TRPC7: variants seen among roughly 807,000 people sequenced by gnomAD.
The protein encoded by TRPC7 is short transient receptor potential channel 7.
Under a neutral mutation model 90.1 loss-of-function variants are expected in TRPC7, and 42 were observed. The ratio of observed to expected loss-of-function variants is 0.47; its 90% CI spans 0.36 to 0.60. TRPC7 has a LOEUF of 0.60. Among genes scored for constraint, TRPC7 ranks in the 20% least tolerant of loss-of-function variants. TRPC7 has a pLI of 0.00. For synonymous variants in TRPC7, 451 were observed against 436.3 expected (o/e 1.03, Z -0.42); for missense variants, 955 against 1,112.3 (o/e 0.86, Z 2.01).
chr5:136,285,659 C>T (rs1227448304), intron 3 of TRPC7, among the ~76,000 whole-genome samples: 1 of 152,156 alleles, frequency 6.6e-6, no homozygotes, highest in African/African-American at 2.4e-5. Context: ...CTCTAAGGAT[C>T]TAGAAGGGAA....
At chr5:136,220,133 T>G (rs1755405586) in intron 10 of TRPC7, among the ~76,000 whole-genome samples, 1 of 152,258 alleles carries the variant, frequency 6.6e-6, no homozygotes. Context: ...CTGTGATGAT[T>G]GCTTTAAGTG....
chr5:136,331,909 C>A (rs1759512412), intron 2 of TRPC7, among the ~76,000 whole-genome samples: 1 of 152,136 alleles, frequency 6.6e-6, no homozygotes, highest in Non-Finnish European at 1.5e-5. Flanking sequence ...AATGGACAGT[C>A]CCTACTCTCA....
chr5:136,331,076 T>TG (rs972843283), intron 2 of TRPC7, among the ~76,000 whole-genome samples: 7 of 152,232 alleles, frequency 4.6e-5, no homozygotes, highest in African/African-American at 7.2e-5. Flanking sequence ...GAGGCTGCAT[T>TG]GCTCATGCCA....
At chr5:136,278,198 C>G (rs968182310) in intron 3 of TRPC7, among the ~76,000 whole-genome samples, 1 of 152,244 alleles carries the variant, frequency 6.6e-6, no homozygotes, top group Non-Finnish European at 1.5e-5. Flanking sequence ...AATTCTTAGT[C>G]ACTCCCTTTA....
intron 2 of TRPC7, among the ~76,000 whole-genome samples, chr5:136,339,372 TC>T (rs1276421359): frequency 2.6e-5 from 4 of 152,200 alleles, no homozygotes; most frequent in Admixed American, 1.3e-4. Flanking sequence ...GGGCCTAAAT[TC>T]TGTTAGAAGG....
intron 5 of TRPC7, among the ~76,000 whole-genome samples, chr5:136,264,638 G>T (rs956958485): frequency 6.6e-6 from 1 of 151,872 alleles, no homozygotes; most frequent in African/African-American, 2.4e-5. Context: ...TGTCGCCCAG[G>T]CTGGAGTGCG....
At chr5:136,242,036 G>A (rs558191577) in intron 7 of TRPC7, among the ~76,000 whole-genome samples, 1 of 152,258 alleles carries the variant, frequency 6.6e-6, no homozygotes, top group African/African-American at 2.4e-5. Flanking sequence ...GCTATAAAAC[G>A]AACCTCCAAA....
intron 8 of TRPC7, among the ~76,000 whole-genome samples, chr5:136,228,920 G>A (rs2149796223): frequency 6.6e-6 from 1 of 152,298 alleles, no homozygotes; most frequent in East Asian, 1.9e-4. Context: ...CATGCCGTGG[G>A]CTTGCCTGCT....
At position 136,212,998 on chromosome 5, in the gene TRPC7, T is replaced by C. The variant is rs1239852161; in HGVS notation, c.*437A>G. Among the ~76,000 whole-genome samples the C allele has an allele frequency of 1.3e-5, 2 of 152,142 alleles. No individual in the cohort carries two copies. Among genetic ancestry groups the C allele is most frequent in the African/African-American group, 4.8e-5 (2 of 41,418 alleles). Reference sequence around the variant, plus strand: ...AGGTCACCTCCTGGTTCTGTTTGGATGTGTTGGGGGTGGCAGGGAGGGAGT... The same window carrying C: ...AGGTCACCTCCTGGTTCTGTTTGGACGTGTTGGGGGTGGCAGGGAGGGAGT... On this transcript the variant is annotated 3_prime_UTR_variant, in exon 12 of 12. Coordinates refer to ENST00000513104, the MANE Select transcript of TRPC7 (RefSeq NM_020389.3).
intron 5 of TRPC7, among the ~76,000 whole-genome samples, chr5:136,257,826 T>G (rs551142394): frequency 6.6e-6 from 1 of 152,220 alleles, no homozygotes; most frequent in Non-Finnish European, 1.5e-5. Context: ...AAATAGTGTT[T>G]GTTGCTTTCC....
At chr5:136,274,152 C>T (rs778288373) in intron 4 of TRPC7, among the ~76,000 whole-genome samples, 1 of 152,192 alleles carries the variant, frequency 6.6e-6, no homozygotes, top group Non-Finnish European at 1.5e-5. Flanking sequence ...AATGTGTCTG[C>T]AGTGCCCCAG....
chr5:136,313,379 C>CTATA (rs1758902541), intron 3 of TRPC7, among the ~76,000 whole-genome samples: 1 of 133,466 alleles, frequency 7.5e-6, no homozygotes, highest in African/African-American at 3.1e-5. Flanking sequence ...AGATGTCTGT[C>CTATA]TATCTATCTA....
intron 2 of TRPC7, among the ~76,000 whole-genome samples, chr5:136,343,181 T>G (rs1356190846): frequency 6.6e-6 from 1 of 152,238 alleles, no homozygotes; most frequent in African/African-American, 2.4e-5. Context: ...GAATAATTCT[T>G]CATAACCTTA....
intron 1 of TRPC7, among the ~76,000 whole-genome samples, chr5:136,359,158 T>A (rs1480873560): frequency 1.3e-5 from 2 of 152,232 alleles, no homozygotes; most frequent in African/African-American, 4.8e-5. Flanking sequence ...CTGCTCATTG[T>A]ACCTTTCGAC....
chr5:136,356,721 T>C lies in TRPC7; in HGVS notation c.667A>G (p.Lys223Glu). ...SHSRSRMNAY[K>E]GLASAAYLSL... ...AAGTAGGCAGCACTCGCCAGTCCTT[T>C]GTAGGCGTTCATGCGCGAGCGCGAG... Residue 223 changes from lysine to glutamate, a missense_variant, in exon 2 of 12, where the codon AAA (lysine) becomes GAA (glutamate). This residue lies in a region of TRPC7 where 484 missense variants were observed against 509.6 expected (regional missense o/e 0.95). Coordinates refer to ENST00000513104, the MANE Select transcript of TRPC7 (RefSeq NM_020389.3). 1.2e-6 allele frequency: 2 copies of C among 1,612,184 alleles called. No individual in the cohort carries two copies. Among genetic ancestry groups the C allele is most frequent in the Non-Finnish European group, 1.7e-6 (2 of 1,178,816 alleles).
chr5:136,292,912 C>T (rs1451943148), intron 3 of TRPC7, among the ~76,000 whole-genome samples: 2 of 152,114 alleles, frequency 1.3e-5, no homozygotes, highest in South Asian at 2.1e-4. Flanking sequence ...ACTGGCAAAT[C>T]GAATCCAGCA....
In TRPC7 at chr5:136,289,996, T is replaced by C. The variant is rs1332030890; in HGVS notation, c.964-15159A>G. ...ATTTGCGGTTCACCAATATCAGCTGTTCTGCAGCCACCGCTGCTGATACCC... is the reference window on the plus strand; with the variant it reads ...ATTTGCGGTTCACCAATATCAGCTGCTCTGCAGCCACCGCTGCTGATACCC... On this transcript the variant is annotated intron_variant, in intron 3 of 11. Coordinates refer to ENST00000513104, the MANE Select transcript of TRPC7 (RefSeq NM_020389.3). Among the ~76,000 whole-genome samples the C allele has an allele frequency of 2.6e-5, 4 of 152,172 alleles. No individual in the cohort carries two copies. The East Asian group carries it at 5.8e-4, about 22-fold the overall frequency.
intron 7 of TRPC7, among the ~76,000 whole-genome samples, chr5:136,232,645 C>A (rs995793526): frequency 6.6e-6 from 1 of 152,202 alleles, no homozygotes; most frequent in African/African-American, 2.4e-5. Flanking sequence ...TACGAAGTAA[C>A]TGAAATACAG....
chr5:136,217,148 AAG>A lies in TRPC7; in HGVS notation c.2344-875_2344-874del, dbSNP rs544236281. ...ATCTTCCAAGAGATGAGCAGTGTGG[AAG>A]AGAGGAAGGGATTTCCCTGCTCCTT... On this transcript the variant is annotated intron_variant, in intron 10 of 11. Coordinates refer to ENST00000513104, the MANE Select transcript of TRPC7 (RefSeq NM_020389.3). Among the ~76,000 whole-genome samples, 19 of 152,302 alleles carry A rather than the reference AAG, an allele frequency of 1.2e-4. 1 individual carries two copies. The East Asian group carries it at 3.1e-3, about 25-fold the overall frequency.
Sources: allele counts gnomAD v4.1 joint callset (sites outside exome capture counted in the v4.1 genomes callset), GRCh38; gene constraint gnomAD v4.1.1; regional missense constraint gnomAD v4.1.1; transcripts MANE v1.5; gene names NCBI Gene and HGNC (gene_info 2026-07-23, HGNC 2026-07-21).